Variants in LRRC72 observed in about 807,000 individuals in gnomAD.
LRRC72 encodes the protein leucine rich repeat containing 72, also known as leucine-rich repeat-containing protein 72.
Under a neutral mutation model 35.8 loss-of-function variants are expected in LRRC72, and 41 were observed. That is an observed-to-expected ratio of 1.15 (90% CI 0.89 to 1.49). The LOEUF (loss-of-function observed/expected upper bound fraction) is 1.49. LRRC72 is among the 40% of genes most tolerant of loss of function. The pLI is 0.00. For synonymous variants in LRRC72, 118 were observed against 119.2 expected, an observed-to-expected ratio of 0.99 and a Z score of 0.07; for missense variants, 389 against 330.7, an observed-to-expected ratio of 1.18 and a Z score of -1.37.
rs1782868821 is a variant in LRRC72, at chr7:16,567,510, T to C, written c.637T>C (p.Phe213Leu). The C allele has an allele frequency of 2.7e-6, 4 of 1,495,474 alleles. No homozygotes were observed. The highest frequency in any genetic ancestry group is 1.7e-4 in the Middle Eastern group (1 of 5,748). 92.6% of individuals were successfully genotyped at this position (1,495,474 alleles called of 1,614,324 possible). ...TGCTTCATGGGATCCTAAATCACCATTTAAGCAAAAACCAGCCCAGAGAGT... is the reference window on the plus strand; with the variant it reads ...TGCTTCATGGGATCCTAAATCACCACTTAAGCAAAAACCAGCCCAGAGAGT... Reference protein sequence around the residue: ...VDASWDPKSPFKQKPAQRVPS... With the variant: ...VDASWDPKSPLKQKPAQRVPS... The change falls in exon 7 of 9, where the codon TTT becomes CTT. Residue 213 changes from phenylalanine to leucine, a missense_variant. Phe to Leu is a conservative substitution (Grantham distance 22). Transcript: ENST00000401542.
chr7:16,526,881 A>G lies in LRRC72; in HGVS notation c.-72A>G. On this transcript the variant is annotated 5_prime_UTR_variant, in exon 1 of 9. Coordinates refer to ENST00000401542, the MANE Select transcript of LRRC72 (RefSeq NM_001195280.2). Reference sequence around the variant, plus strand: ...AGAACAACGAGCTGTGCACCAAGCCAAGTCTCTCTTCGGTGCCACCGGCGG... The same window carrying G: ...AGAACAACGAGCTGTGCACCAAGCCGAGTCTCTCTTCGGTGCCACCGGCGG... 1 of 1,236,648 alleles carries G rather than the reference A, an allele frequency of 8.1e-7. No individual in the cohort carries two copies. The highest frequency in any genetic ancestry group is 1.1e-6 in the Non-Finnish European group (1 of 873,882). 76.6% of individuals were successfully genotyped at this position (1,236,648 alleles called of 1,614,324 possible).
Position 16,580,055 on chromosome 7 carries a change from A to G in LRRC72, c.671-19A>G. ...TAAATATTTTAAAATACTAACTTTA[A>G]AATGTATTTTTTTTTTAGATTTTGC... is the stretch of plus-strand genomic sequence containing the variant. On this transcript the variant is annotated intron_variant, in intron 7 of 8. Coordinates refer to ENST00000401542, the MANE Select transcript of LRRC72 (RefSeq NM_001195280.2). 2.3e-6 allele frequency: 1 copy of G among 427,912 alleles called. No individual in the cohort carries two copies. The highest frequency in any genetic ancestry group is 2.2e-5 in the South Asian group (1 of 44,714). The allele number at this position is 427,912 out of a possible 1,614,324, so 26.5% of individuals were successfully genotyped here.
At chr7:16,551,878 C>A (rs989793050) in intron 3 of LRRC72, among the ~76,000 whole-genome samples, 2 of 152,120 alleles carry the variant, frequency 1.3e-5, no homozygotes, top group African/African-American at 4.8e-5. Context: ...GCCAGTTGGT[C>A]AGAAGCACAG....
chr7:16,541,589 T>C (rs1782357923), intron 3 of LRRC72, among the ~76,000 whole-genome samples: 1 of 152,112 alleles, frequency 6.6e-6, no homozygotes. Flanking sequence ...CACTCCACTT[T>C]AGGGCATACA....
Position 16,567,401 on chromosome 7 carries a change from AAAAG to A in LRRC72, c.535_538del (p.Arg179AspfsTer3). The A allele has an allele frequency of 1.3e-6, 2 of 1,491,632 alleles. No homozygotes were observed. The highest frequency in any genetic ancestry group is 1.4e-5 in the African/African-American group (1 of 70,402). 92.4% of individuals were successfully genotyped at this position (1,491,632 alleles called of 1,614,324 possible). On this transcript the variant is annotated frameshift_variant, in exon 7 of 9. Coordinates refer to ENST00000401542, the MANE Select transcript of LRRC72 (RefSeq NM_001195280.2). LOFTEE classifies it high-confidence loss of function. ...TTTTGCATTTATCAGAAGTTACAGA[AAAAG>A]AAAGAAGATCAATGATTACCATTTT...
At chr7:16,541,944 G>C (rs1016394326) in intron 3 of LRRC72, among the ~76,000 whole-genome samples, 7 of 149,464 alleles carry the variant, frequency 4.7e-5, no homozygotes, top group South Asian at 4.2e-4. Flanking sequence ...CAGACAGACA[G>C]ACACACACAC....
In LRRC72 at chr7:16,552,795, C is replaced by A. The variant is rs141526297; in HGVS notation, c.235-4565C>A. Among the ~76,000 whole-genome samples the A allele has an allele frequency of 1.2e-3, 179 of 152,204 alleles. 3 individuals carry two copies. The East Asian group carries it at 0.029, about 25-fold the overall frequency. On this transcript the variant is annotated intron_variant, in intron 3 of 8. Coordinates refer to ENST00000401542, the MANE Select transcript of LRRC72 (RefSeq NM_001195280.2). ...AGGCAGGCCAGGGCTCAAACCAAGT[C>A]TGAGAATGAGCTGCGCTGGACAGTT...
chr7:16,531,824 GT>G (rs1782169976), intron 1 of LRRC72, among the ~76,000 whole-genome samples: 1 of 152,124 alleles, frequency 6.6e-6, no homozygotes, highest in Admixed American at 6.5e-5. Context: ...TGTTGCTAAA[GT>G]TTTATTTTTA....
At chr7:16,555,899 G>A (rs1341471200) in intron 3 of LRRC72, among the ~76,000 whole-genome samples, 1 of 152,110 alleles carries the variant, frequency 6.6e-6, no homozygotes, top group Non-Finnish European at 1.5e-5. Context: ...ACTCGTTCAT[G>A]AGAATCTTTT....
At chr7:16,561,979 A>G (rs1418512474) in intron 5 of LRRC72, among the ~76,000 whole-genome samples, 1 of 152,246 alleles carries the variant, frequency 6.6e-6, no homozygotes, top group East Asian at 1.9e-4. Flanking sequence ...CACTTAAATT[A>G]CAAGTTCTTC....
chr7:16,526,916 G>C lies in LRRC72; in HGVS notation c.-37G>C. ...TCGGTGCCACCGGCGGGCGAGGCCG[G>C]ATTAATCACCGCTGCTTCGGCCGCC... On this transcript the variant is annotated 5_prime_UTR_variant, in exon 1 of 9. Coordinates refer to ENST00000401542, the MANE Select transcript of LRRC72 (RefSeq NM_001195280.2). 4 of 1,514,436 alleles carry C rather than the reference G, an allele frequency of 2.6e-6. No homozygotes were observed. Among genetic ancestry groups the C allele is most frequent in the Non-Finnish European group, 3.6e-6 (4 of 1,125,860 alleles). 93.8% of individuals were successfully genotyped at this position (1,514,436 alleles called of 1,614,324 possible).
intron 3 of LRRC72, among the ~76,000 whole-genome samples, chr7:16,547,942 G>A (rs925085261): frequency 1.3e-5 from 2 of 152,256 alleles, no homozygotes; most frequent in African/African-American, 2.4e-5. Context: ...GAGGGCTGGG[G>A]TGCCAGTCCC....
intron 3 of LRRC72, among the ~76,000 whole-genome samples, chr7:16,541,889 T>C (rs1782363428): frequency 6.6e-6 from 1 of 152,102 alleles, no homozygotes; most frequent in Non-Finnish European, 1.5e-5. Flanking sequence ...CCAGCCTGGG[T>C]GACAGAGCGA....
At chr7:16,573,852 C>G (rs1261432703) in intron 7 of LRRC72, among the ~76,000 whole-genome samples, 1 of 152,174 alleles carries the variant, frequency 6.6e-6, no homozygotes, top group East Asian at 1.9e-4. Context: ...AAACTGTCAT[C>G]AGAGTGAATA....
chr7:16,550,243 G>T lies in LRRC72; in HGVS notation c.235-7117G>T, dbSNP rs572959143. 6.6e-5 allele frequency among the ~76,000 whole-genome samples: 10 copies of T among 152,182 alleles called. No individual in the cohort carries two copies. In the East Asian group the frequency reaches 1.9e-3, roughly 29 times the overall value. On this transcript the variant is annotated intron_variant, in intron 3 of 8. Transcript: ENST00000401542. Reference sequence around the variant, plus strand: ...AAAAAATAAAATAAAAAAAGGTGTAGAACTGAGAACTGAAGTATAGCAATG... The same window carrying T: ...AAAAAATAAAATAAAAAAAGGTGTATAACTGAGAACTGAAGTATAGCAATG...
intron 3 of LRRC72, among the ~76,000 whole-genome samples, chr7:16,556,197 C>T (rs928256876): frequency 1.7e-4 from 26 of 152,170 alleles, no homozygotes; most frequent in African/African-American, 5.1e-4. Flanking sequence ...CGAGAAAGTA[C>T]TTTTTATTAT....
chr7:16,563,876 G>A (rs927505892), intron 5 of LRRC72, among the ~76,000 whole-genome samples: 2 of 152,194 alleles, frequency 1.3e-5, no homozygotes, highest in African/African-American at 2.4e-5. Context: ...ACTTTAGGAT[G>A]AGATGAATGG....
At chr7:16,546,722 A>C (rs961219727) in intron 3 of LRRC72, among the ~76,000 whole-genome samples, 4 of 152,222 alleles carry the variant, frequency 2.6e-5, no homozygotes, top group African/African-American at 9.6e-5. Context: ...CACCCCAGGC[A>C]CTGGGGTGTG....
chr7:16,574,752 C>G, intron 7 of LRRC72, among the ~76,000 whole-genome samples: 1 of 151,874 alleles, frequency 6.6e-6, no homozygotes, highest in East Asian at 1.9e-4. Context: ...ACCTATGTAA[C>G]AAGCCTGCAC....
Sources: gnomAD v4.1 joint callset for allele counts (sites outside exome capture counted in the v4.1 genomes callset) on GRCh38, gnomAD v4.1.1 for gene constraint, MANE v1.5 for transcripts, NCBI Gene and HGNC (gene_info 2026-07-23, HGNC 2026-07-21) for gene names.